GRM5: variants seen among roughly 807,000 people sequenced by gnomAD.
GRM5 encodes glutamate metabotropic receptor 5.
In GRM5, 19 loss-of-function variants were observed where a neutral mutation model predicts 83.1. The observed-to-expected ratio is 0.23, with a 90% CI of 0.16 to 0.34. GRM5 has a LOEUF of 0.34. Ranked by LOEUF, GRM5 falls within the 10% of genes least tolerant of loss-of-function variation. The pLI, the probability that GRM5 is intolerant of heterozygous loss-of-function variation, is 1.00. For synonymous variants in GRM5, 675 were observed against 633.6 expected (o/e 1.07, Z -0.98); for missense variants, 1,160 against 1,588.3 (o/e 0.73, Z 4.58).
chr11:88,630,592 T>C (rs990586200), intron 4 of GRM5, among the ~76,000 whole-genome samples: 51 of 146,640 alleles, frequency 3.5e-4, no homozygotes, highest in African/African-American at 1.2e-3. Context: ...CACACACACA[T>C]ATTATGATGG....
intron 1 of GRM5, among the ~76,000 whole-genome samples, chr11:89,058,468 A>G (rs1387395179): frequency 6.6e-6 from 1 of 152,182 alleles, no homozygotes; most frequent in Non-Finnish European, 1.5e-5. Flanking sequence ...AAAAACACTA[A>G]TTTACATGAA....
In GRM5 at chr11:88,706,720, T is replaced by A. The variant is rs138574694; in HGVS notation, c.912-53317A>T. ...ACAGAAAATGTTCTGCCTTTAAGTA[T>A]TTTTTTATTTTGTGAGTCAGATTGT... On this transcript the variant is annotated intron_variant, in intron 3 of 9. Transcript: ENST00000305447. Among the ~76,000 whole-genome samples the A allele has an allele frequency of 1.1e-4, 17 of 152,128 alleles. No individual in the cohort carries two copies. The East Asian group carries it at 3.3e-3, about 29-fold the overall frequency.
At chr11:89,031,580 T>C (rs1381940052) in intron 2 of GRM5, among the ~76,000 whole-genome samples, 1 of 151,852 alleles carries the variant, frequency 6.6e-6, no homozygotes, top group Non-Finnish European at 1.5e-5. Flanking sequence ...CTTACAATGC[T>C]CAGTAAAATG....
chr11:88,696,121 G>A (rs1355019894), intron 3 of GRM5, among the ~76,000 whole-genome samples: 1 of 152,152 alleles, frequency 6.6e-6, no homozygotes, highest in Non-Finnish European at 1.5e-5. Context: ...GGATGGGGAG[G>A]CCAGAAGGGG....
chr11:88,985,935 C>G (rs1253971635), intron 2 of GRM5, among the ~76,000 whole-genome samples: 1 of 152,088 alleles, frequency 6.6e-6, no homozygotes, highest in East Asian at 1.9e-4. Flanking sequence ...ATGTCCAACT[C>G]TGGAAAACAT....
At chr11:88,718,465 T>G (rs1484284795) in intron 3 of GRM5, among the ~76,000 whole-genome samples, 1 of 152,012 alleles carries the variant, frequency 6.6e-6, no homozygotes, top group Admixed American at 6.6e-5. Context: ...CATTCACATT[T>G]ACTCTATGCT....
At chr11:88,701,744 G>A (rs1993841) in intron 3 of GRM5, among the ~76,000 whole-genome samples, 5 of 152,048 alleles carry the variant, frequency 3.3e-5, no homozygotes, top group South Asian at 2.1e-4. Context: ...TCATAAATGC[G>A]TTCTTTAATT....
Position 89,064,223 on chromosome 11 carries a change from T to C in GRM5, c.-201+1553A>G, listed in dbSNP as rs181688536. 1.1e-3 allele frequency among the ~76,000 whole-genome samples: 166 copies of C among 152,340 alleles called. 1 individual carries two copies. The highest frequency in any genetic ancestry group is 3.8e-3 in the African/African-American group (160 of 41,574). ...TTATTTTCCTTGCCACCAAACCTTC[T>C]TCCTCAATGCTAACCTTAAAAATAG... is the stretch of plus-strand genomic sequence containing the variant. On this transcript the variant is annotated intron_variant, in intron 1 of 9. Coordinates refer to ENST00000305447, the MANE Select transcript of GRM5 (RefSeq NM_001143831.3).
intron 3 of GRM5, among the ~76,000 whole-genome samples, chr11:88,809,583 G>C (rs556826066): frequency 6.6e-6 from 1 of 152,092 alleles, no homozygotes; most frequent in South Asian, 2.1e-4. Flanking sequence ...GAAACCCAGT[G>C]ATATTAAACA....
intron 7 of GRM5, among the ~76,000 whole-genome samples, chr11:88,572,314 G>C (rs1303997957): frequency 6.6e-6 from 1 of 151,950 alleles, no homozygotes. Context: ...AATGAGAGAG[G>C]GAGAGAATAT....
intron 2 of GRM5, among the ~76,000 whole-genome samples, chr11:88,889,255 G>A (rs1193584099): frequency 6.6e-6 from 1 of 152,030 alleles, no homozygotes; most frequent in African/African-American, 2.4e-5. Flanking sequence ...TTAAGAAAGG[G>A]CTGATATCAT....
At chr11:89,049,219 C>A (rs2135153688) in intron 1 of GRM5, among the ~76,000 whole-genome samples, 2 of 152,254 alleles carry the variant, frequency 1.3e-5, no homozygotes, top group South Asian at 4.1e-4. Flanking sequence ...ATGTTTGGAA[C>A]TATTCTGCCA....
At chr11:88,537,476 T>A (rs1286293780) in intron 8 of GRM5, among the ~76,000 whole-genome samples, 4 of 151,768 alleles carry the variant, frequency 2.6e-5, no homozygotes, top group Non-Finnish European at 5.9e-5. Flanking sequence ...AACTTCAGAG[T>A]GTTACAAAGA....
intron 2 of GRM5, among the ~76,000 whole-genome samples, chr11:88,968,947 G>C (rs1284832781): frequency 6.6e-6 from 1 of 152,018 alleles, no homozygotes; most frequent in East Asian, 1.9e-4. Flanking sequence ...AATAAGATTA[G>C]ATTTTTTAAA....
At chr11:88,609,240 T>C (rs1938251421) in intron 4 of GRM5, among the ~76,000 whole-genome samples, 2 of 152,150 alleles carry the variant, frequency 1.3e-5, no homozygotes, top group South Asian at 2.1e-4. Flanking sequence ...AATGAGAACA[T>C]GTAGTTTTTG....
At chr11:88,645,757 C>T (rs1352082002) in intron 4 of GRM5, among the ~76,000 whole-genome samples, 1 of 151,876 alleles carries the variant, frequency 6.6e-6, no homozygotes, top group Non-Finnish European at 1.5e-5. Flanking sequence ...AGGTGAGGGA[C>T]AATAAAAATT....
intron 2 of GRM5, among the ~76,000 whole-genome samples, chr11:89,045,285 G>A (rs1048529552): frequency 6.6e-5 from 10 of 152,078 alleles, no homozygotes; most frequent in African/African-American, 2.4e-4. Context: ...AGAGCTTAAA[G>A]TGTATGTATA....
chr11:89,034,826 A>C (rs968978091), intron 2 of GRM5, among the ~76,000 whole-genome samples: 3 of 148,042 alleles, frequency 2.0e-5, no homozygotes, highest in Non-Finnish European at 4.5e-5. Flanking sequence ...AAATTAAAGT[A>C]CTACCAAGCC....
intron 2 of GRM5, among the ~76,000 whole-genome samples, chr11:88,894,753 T>A (rs979848075): frequency 5.3e-5 from 8 of 151,920 alleles, no homozygotes; most frequent in Non-Finnish European, 1.0e-4. Context: ...TTGGGGACAA[T>A]ATTAGGTAAT....
Sources: gnomAD v4.1 joint callset for allele counts (sites outside exome capture counted in the v4.1 genomes callset) on GRCh38, gnomAD v4.1.1 for gene constraint, MANE v1.5 for transcripts, NCBI Gene and HGNC (gene_info 2026-07-23, HGNC 2026-07-21) for gene names.